The following E2F5 variants were observed in gnomAD, a reference collection of about 807,000 sequenced individuals.
E2F5 encodes transcription factor E2F5.
E2F5 carries 23 observed loss-of-function variants against 39.1 expected under a neutral mutation model. That is an observed-to-expected ratio of 0.59 (90% CI 0.42 to 0.83). The LOEUF is 0.83. Ranked by LOEUF, E2F5 falls within the 40% of genes least tolerant of loss-of-function variation. The probability of loss-of-function intolerance (pLI) is 0.00; values close to 1 mark genes in which losing one functional copy is unlikely to be tolerated. For missense variants in E2F5, 365 were observed against 406.7 expected, an observed-to-expected ratio of 0.90 and a Z score of 0.88; for synonymous variants, 145 against 157.8, an observed-to-expected ratio of 0.92 and a Z score of 0.61.
At chr8:85,197,944 C>A (rs376062443) in intron 1 of E2F5, among the ~76,000 whole-genome samples, 3 of 152,094 alleles carry the variant, frequency 2.0e-5, no homozygotes, top group Non-Finnish European at 4.4e-5. Flanking sequence ...TGCTGTCCAG[C>A]GTTCCTTCCA....
rs750857902 is a variant in E2F5, at chr8:85,209,207, G to C, written c.681G>C (p.Leu227=). The stretch of plus-strand genomic sequence containing the variant: ...GTCATTCAGGACCTATCCATGTGCT[G>C]CTTATAAATAAAGAGTCGAGTTCAT... ...LKSHSGPIHV[L]LINKESSSSK... Residue 227 remains leucine (L), a synonymous_variant, in exon 6 of 8, where the codon CTG becomes CTC. Coordinates refer to ENST00000416274, the MANE Select transcript of E2F5 (RefSeq NM_001951.4). 1.9e-6 allele frequency: 3 copies of C among 1,613,888 alleles called. No homozygotes were observed. In the African/African-American group the frequency reaches 4.0e-5, roughly 22 times the overall value.
chr8:85,180,124 G>C (rs1477582443), intron 1 of E2F5, among the ~76,000 whole-genome samples: 5 of 151,266 alleles, frequency 3.3e-5, no homozygotes, highest in Non-Finnish European at 4.4e-5. Context: ...GGGTTCAAGC[G>C]ATTCTCCTGC....
rs1234797072 is a variant in E2F5 at position 85,209,149 on chromosome 8, A to G, written c.623A>G (p.Asn208Ser). ...LEVPIPEMGQ[N>S]GQKKYQINLK... Reference sequence around the variant, plus strand: ...TACCCAATAACTTCAAAGGGTCAGAATGGACAAAAGAAATACCAGATCAAT... The same window carrying G: ...TACCCAATAACTTCAAAGGGTCAGAGTGGACAAAAGAAATACCAGATCAAT... Residue 208 changes from asparagine (N) to serine (S), a missense_variant, in exon 6 of 8, where the codon AAT becomes AGT. Transcript: ENST00000416274. 1 of 1,613,904 alleles carries G rather than the reference A, an allele frequency of 6.2e-7. No individual in the cohort carries two copies. The highest frequency in any genetic ancestry group is 8.5e-7 in the Non-Finnish European group (1 of 1,179,780).
Position 85,212,200 on chromosome 8 carries a change from T to C in E2F5, c.927T>C (p.Ser309=). 1 of 1,608,178 alleles carries C rather than the reference T, an allele frequency of 6.2e-7. No individual in the cohort carries two copies. The highest frequency in any genetic ancestry group is 2.2e-5 in the East Asian group (1 of 44,750). The change falls in exon 7 of 8, where the codon TCT becomes TCC. Residue 309 remains serine, a synonymous_variant. Transcript: ENST00000416274. ...ATATCATTGATGAGTTAATGTCTTC[T>C]GACGGTAAGTAGGTTAAAATTTTAC... ...SGDIIDELMS[S]DVFPLLRLSP...
chr8:85,204,704 TA>T (rs1052978669), intron 3 of E2F5, among the ~76,000 whole-genome samples: 5 of 150,078 alleles, frequency 3.3e-5, no homozygotes, highest in Non-Finnish European at 3.0e-5. Context: ...ATAATAAAAT[TA>T]AAAAAAAAGA....
intron 5 of E2F5, among the ~76,000 whole-genome samples, chr8:85,207,756 A>C (rs1365475398): frequency 1.3e-5 from 2 of 152,100 alleles, no homozygotes; most frequent in African/African-American, 4.8e-5. Flanking sequence ...AATTTTTAAA[A>C]AGTAATCAGA....
chr8:85,214,107 C>T lies in E2F5; in HGVS notation c.*245C>T, dbSNP rs150029991. 9.4e-4 allele frequency: 542 copies of T among 575,114 alleles called. 11 individuals carry two copies. The East Asian group carries it at 0.018, about 20-fold the overall frequency. The allele number at this position is 575,114 out of a possible 1,614,324, so 35.6% of individuals were successfully genotyped here. A position where few individuals can be genotyped will look rare whatever the true frequency, so the allele number is the denominator to read the frequency against. On this transcript the variant is annotated 3_prime_UTR_variant, in exon 8 of 8. Coordinates refer to ENST00000416274, the MANE Select transcript of E2F5 (RefSeq NM_001951.4). ...CCCCACTCCCAAAAGTAACTATATTCTGGATTTCAACTTTTCTTCTAATTG... is the reference window on the plus strand; with the variant it reads ...CCCCACTCCCAAAAGTAACTATATTTTGGATTTCAACTTTTCTTCTAATTG...
At chr8:85,209,895 TTC>T in intron 6 of E2F5, among the ~76,000 whole-genome samples, 1 of 152,256 alleles carries the variant, frequency 6.6e-6, no homozygotes, top group Non-Finnish European at 1.5e-5. Flanking sequence ...TTTCTCCATA[TTC>T]TTTGTTATAC....
At chr8:85,212,424 CTTCTCACCTT>C in intron 7 of E2F5, 1 of 475,032 alleles carries the variant, frequency 2.1e-6, no homozygotes, top group Non-Finnish European at 3.8e-6. Context: ...TATGGGGATA[CTTCTCACCTT>C]CATTGAAAAT....
At chr8:85,189,662 C>A (rs190386320) in intron 1 of E2F5, among the ~76,000 whole-genome samples, 3 of 152,176 alleles carry the variant, frequency 2.0e-5, no homozygotes, top group Admixed American at 2.0e-4. Flanking sequence ...AGCCACTGCA[C>A]CCAACCTCTT....
chr8:85,197,864 G>A (rs1265198060), intron 1 of E2F5, among the ~76,000 whole-genome samples: 2 of 152,276 alleles, frequency 1.3e-5, no homozygotes, highest in East Asian at 3.9e-4. Flanking sequence ...CAGGGCTGGA[G>A]GAAAATGCAA....
chr8:85,177,303 AC>A lies in E2F5; in HGVS notation c.-117del. ...TTGTTTGCAGCAGCCAGCGACCCGC[AC>A]TACCGCTCTCGGCGGGCGGGGAAGC... On this transcript the variant is annotated 5_prime_UTR_variant, in exon 1 of 8. Coordinates refer to ENST00000416274, the MANE Select transcript of E2F5 (RefSeq NM_001951.4). 1 of 859,982 alleles carries A rather than the reference AC, an allele frequency of 1.2e-6. No homozygotes were observed. Among genetic ancestry groups the A allele is most frequent in the Non-Finnish European group, 1.4e-6 (1 of 715,464 alleles). The allele number at this position is 859,982 out of a possible 1,614,324, so 53.3% of individuals were successfully genotyped here. A position where few individuals can be genotyped will look rare whatever the true frequency, so the allele number is the denominator to read the frequency against.
At chr8:85,195,790 G>A (rs567046926) in intron 1 of E2F5, among the ~76,000 whole-genome samples, 14 of 152,114 alleles carry the variant, frequency 9.2e-5, no homozygotes, top group African/African-American at 1.9e-4. Flanking sequence ...CCACTGCATC[G>A]GCCAAGAGAA....
chr8:85,212,466 C>A, intron 7 of E2F5: 1 of 368,638 alleles, frequency 2.7e-6, no homozygotes, highest in Non-Finnish European at 4.9e-6. Context: ...CCTTTCCACT[C>A]CTGAAGGATC....
chr8:85,204,302 C>T (rs148036890), intron 3 of E2F5, among the ~76,000 whole-genome samples: 9 of 152,196 alleles, frequency 5.9e-5, no homozygotes, highest in African/African-American at 1.9e-4. Context: ...GGTATTTTGA[C>T]ATCTCCATAA....
At chr8:85,208,479 T>C (rs1812844384) in intron 5 of E2F5, among the ~76,000 whole-genome samples, 2 of 152,214 alleles carry the variant, frequency 1.3e-5, no homozygotes, top group African/African-American at 4.8e-5. Flanking sequence ...TTATTGACTC[T>C]ATGAGTTTCA....
chr8:85,181,760 G>C (rs1043002686), intron 1 of E2F5, among the ~76,000 whole-genome samples: 2 of 151,372 alleles, frequency 1.3e-5, no homozygotes, highest in East Asian at 3.9e-4. Flanking sequence ...AGGAGTTCGA[G>C]ACCAGCCTGC....
At chr8:85,179,032 C>G (rs1327357990) in intron 1 of E2F5, among the ~76,000 whole-genome samples, 1 of 151,934 alleles carries the variant, frequency 6.6e-6, no homozygotes, top group Non-Finnish European at 1.5e-5. Flanking sequence ...TCTCTTTTTT[C>G]CACCACAGCC....
At chr8:85,199,165 A>C (rs4150923) in intron 1 of E2F5, among the ~76,000 whole-genome samples, 140 of 150,424 alleles carry the variant, frequency 9.3e-4, no homozygotes, top group African/African-American at 3.3e-3. Context: ...TCCTTTTTCC[A>C]TTTTCCCTCT....
Sources: allele counts gnomAD v4.1 joint callset (sites outside exome capture counted in the v4.1 genomes callset), GRCh38; gene constraint gnomAD v4.1.1; transcripts MANE v1.5; gene names NCBI Gene and HGNC (gene_info 2026-07-23, HGNC 2026-07-21).